The following ST14 variants were observed in gnomAD, a reference collection of about 807,000 sequenced individuals.
ST14 encodes the protein suppressor of tumorigenicity 14 protein.
Under a neutral mutation model 96.5 loss-of-function variants are expected in ST14, and 40 were observed. That is an observed-to-expected ratio of 0.41 (90% CI 0.32 to 0.54). ST14 has a LOEUF of 0.54. Among genes scored for constraint, ST14 ranks in the 20% least tolerant of loss-of-function variants. The pLI, the probability that ST14 is intolerant of heterozygous loss-of-function variation, is 0.17. For missense variants in ST14, 1,066 were observed against 1,188.9 expected, an observed-to-expected ratio of 0.90 and a Z score of 1.52; for synonymous variants, 506 against 492.1, an observed-to-expected ratio of 1.03 and a Z score of -0.37.
chr11:130,198,571 A>G lies in ST14; in HGVS notation c.1634A>G (p.Asn545Ser), dbSNP rs1010631334. 1.2e-6 allele frequency: 2 copies of G among 1,613,938 alleles called. No homozygotes were observed. The highest frequency in any genetic ancestry group is 1.7e-6 in the Non-Finnish European group (2 of 1,180,012). ...TGCCTCTCGAAAAGCCAGCAGTGCAATGGGAAGGACGACTGTGGGGACGGG... is the reference window on the plus strand; with the variant it reads ...TGCCTCTCGAAAAGCCAGCAGTGCAGTGGGAAGGACGACTGTGGGGACGGG... ...GKCLSKSQQC[N>S]GKDDCGDGSD... is the part of the protein sequence containing the mutation. Residue 545 changes from asparagine (N) to serine (S), a missense_variant, in exon 14 of 19, where the codon AAT becomes AGT. Coordinates refer to ENST00000278742, the MANE Select transcript of ST14 (RefSeq NM_021978.4).
At chr11:130,176,658 G>C (rs181081048) in intron 1 of ST14, among the ~76,000 whole-genome samples, 3 of 152,086 alleles carry the variant, frequency 2.0e-5, no homozygotes, top group Non-Finnish European at 4.4e-5. Flanking sequence ...AAAGTGCTGG[G>C]ATTACAGGCT....
At position 130,189,914 on chromosome 11, in the gene ST14, G is replaced by A. The variant is rs1388621154; in HGVS notation, c.598+18G>A. The A allele has an allele frequency of 6.2e-7, 1 of 1,613,498 alleles. No individual in the cohort carries two copies. Among genetic ancestry groups the A allele is most frequent in the South Asian group, 1.1e-5 (1 of 91,048 alleles). ...GGCTTTCCGTGAGTCCGAGGGCCAGGGGTGGGCGTGGGACTGGCCAGCCTT... is the reference window on the plus strand; with the variant it reads ...GGCTTTCCGTGAGTCCGAGGGCCAGAGGTGGGCGTGGGACTGGCCAGCCTT... On this transcript the variant is annotated intron_variant, in intron 5 of 18. Coordinates refer to ENST00000278742, the MANE Select transcript of ST14 (RefSeq NM_021978.4).
At chr11:130,167,745 T>C (rs1953054930) in intron 1 of ST14, among the ~76,000 whole-genome samples, 1 of 151,984 alleles carries the variant, frequency 6.6e-6, no homozygotes, top group African/African-American at 2.4e-5. Flanking sequence ...GATAGGGTCT[T>C]GCTCTGTCGC....
At chr11:130,193,582 G>C (rs558644312) in intron 7 of ST14, among the ~76,000 whole-genome samples, 1 of 151,740 alleles carries the variant, frequency 6.6e-6, no homozygotes, top group African/African-American at 2.4e-5. Context: ...TGATTCTCCT[G>C]CCTCAGCCTC....
In ST14 at chr11:130,188,042, A is replaced by T; in HGVS notation, c.82-72A>T. The T allele has an allele frequency of 1.3e-6, 2 of 1,584,538 alleles. No individual in the cohort carries two copies. The highest frequency in any genetic ancestry group is 1.1e-5 in the South Asian group (1 of 87,746). The stretch of plus-strand genomic sequence containing the variant: ...CCAAGCTGGACCTCACAAAATGTGA[A>T]CATCTTCCCCAGCGGGGTGCAGGGG... On this transcript the variant is annotated intron_variant, in intron 1 of 18. Coordinates refer to ENST00000278742, the MANE Select transcript of ST14 (RefSeq NM_021978.4). The surrounding 1 kb of genome is among the most constrained non-coding windows in gnomAD (Gnocchi z 5.4).
In ST14 at chr11:130,197,879, A is replaced by G. The variant is rs749909901; in HGVS notation, c.1393A>G (p.Ile465Val). The G allele has an allele frequency of 1.3e-5, 20 of 1,595,218 alleles. No individual in the cohort carries two copies. The East Asian group carries it at 3.4e-4, about 27-fold the overall frequency. The change falls in exon 12 of 19, where the codon ATC becomes GTC. Residue 465 changes from isoleucine (I) to valine (V), a missense_variant. Physicochemically the swap from Ile to Val is conservative, Grantham distance 29. Transcript: ENST00000278742. Reference sequence around the variant, plus strand: ...GTTCACGTGCCGCACGGGGCGGTGTATCCGGAAGGAGCTGCGCTGTGATGG... The same window carrying G: ...GTTCACGTGCCGCACGGGGCGGTGTGTCCGGAAGGAGCTGCGCTGTGATGG... ...GQFTCRTGRC[I>V]RKELRCDGWA...
chr11:130,171,424 G>A (rs984058204), intron 1 of ST14, among the ~76,000 whole-genome samples: 1 of 152,170 alleles, frequency 6.6e-6, no homozygotes, highest in Non-Finnish European at 1.5e-5. Context: ...CTTGGCTTCT[G>A]TGAACAGTGC....
At chr11:130,197,999 C>T (rs1565626886) in intron 12 of ST14, 54 bp downstream of exon 12, 25 of 1,493,774 alleles carry the variant, frequency 1.7e-5, no homozygotes, top group East Asian at 9.8e-5. Flanking sequence ...ACCCTGCCCG[C>T]GTCCCATGGC....
intron 16 of ST14, among the ~76,000 whole-genome samples, chr11:130,207,273 G>A (rs889797570): frequency 7.2e-5 from 11 of 152,214 alleles, no homozygotes; most frequent in African/African-American, 2.4e-4. Flanking sequence ...GTGAGCCAGC[G>A]GGCACGGTGG....
Position 130,188,713 on chromosome 11 carries a change from C to T in ST14, c.369+56C>T. ...GCTGTGTGCGCTGGTGTCCCACCTGCTGGGCAGGAGGGACATGCCTCGCCT... is the reference window on the plus strand; with the variant it reads ...GCTGTGTGCGCTGGTGTCCCACCTGTTGGGCAGGAGGGACATGCCTCGCCT... On this transcript the variant is annotated intron_variant, in intron 3 of 18. Coordinates refer to ENST00000278742, the MANE Select transcript of ST14 (RefSeq NM_021978.4). The surrounding 1 kb of genome is among the most constrained non-coding windows in gnomAD (Gnocchi z 5.4). 1 of 1,613,590 alleles carries T rather than the reference C, an allele frequency of 6.2e-7. No individual in the cohort carries two copies. Among genetic ancestry groups the T allele is most frequent in the South Asian group, 1.1e-5 (1 of 91,058 alleles).
rs1198426673 is a variant in ST14, at chr11:130,209,584, C to T, written c.2406+6C>T. On this transcript the variant is annotated splice_donor_region_variant and intron_variant, in intron 18 of 18. Transcript: ENST00000278742. ...GCGGCGTGGACTCCTGCCAGGTGGC[C>T]CCCGGGGCAGGAGGGCGGCAGGTGG... is the stretch of plus-strand genomic sequence containing the variant. 3.8e-6 allele frequency: 6 copies of T among 1,580,100 alleles called. No homozygotes were observed. The highest frequency in any genetic ancestry group is 5.2e-6 in the Non-Finnish European group (6 of 1,163,378).
At chr11:130,204,231 G>C (rs1039581037) in intron 16 of ST14, among the ~76,000 whole-genome samples, 6 of 152,268 alleles carry the variant, frequency 3.9e-5, no homozygotes, top group Admixed American at 6.5e-5. Flanking sequence ...GAGTTGATGG[G>C]GGTTGAGTAC....
intron 4 of ST14, chr11:130,189,262 A>C (rs987992356): frequency 2.0e-6 from 1 of 505,650 alleles, no homozygotes; most frequent in East Asian, 3.6e-5. Context: ...GCAGCCTTCA[A>C]TGAGCCCCCA....
chr11:130,169,796 C>T (rs1953073756), intron 1 of ST14, among the ~76,000 whole-genome samples: 1 of 152,048 alleles, frequency 6.6e-6, no homozygotes, highest in Non-Finnish European at 1.5e-5. Flanking sequence ...CACACTAGCT[C>T]GTGAAATCAG....
chr11:130,199,198 G>T, intron 15 of ST14, 129 bp downstream of exon 15: 1 of 1,042,274 alleles, frequency 9.6e-7, no homozygotes, highest in South Asian at 1.4e-5. Context: ...GAGAGGGTGT[G>T]TCTCCTGGAG....
chr11:130,196,523 C>G (rs57499196), intron 10 of ST14, 47 bp from the exon 11 acceptor site: 4 of 1,534,244 alleles, frequency 2.6e-6, no homozygotes, highest in African/African-American at 1.4e-5. Flanking sequence ...CCCAGCCCCC[C>G]GGCTCCCAGC....
rs1489868226 is a variant in ST14 at position 130,189,784 on chromosome 11, G to C, written c.486G>C (p.Pro162=). ...ACTACTGGTCTGAGTTCAGCATCCCGCAGCACCTGGTGGAGGAGGCCGAGC... is the reference window on the plus strand; with the variant it reads ...ACTACTGGTCTGAGTTCAGCATCCCCCAGCACCTGGTGGAGGAGGCCGAGC... ...IAYYWSEFSI[P]QHLVEEAERV... is the part of the protein sequence containing the mutation. Residue 162 remains proline, a synonymous_variant, in exon 5 of 19, where the codon CCG becomes CCC. Coordinates refer to ENST00000278742, the MANE Select transcript of ST14 (RefSeq NM_021978.4). 6.2e-7 allele frequency: 1 copy of C among 1,613,474 alleles called. No homozygotes were observed. The highest frequency in any genetic ancestry group is 2.2e-5 in the East Asian group (1 of 44,888).
chr11:130,198,110 T>C (rs1435464299), intron 12 of ST14, among the ~76,000 whole-genome samples, 165 bp downstream of exon 12: 1 of 152,342 alleles, frequency 6.6e-6, no homozygotes, highest in Non-Finnish European at 1.5e-5. Flanking sequence ...CCCTGCCATA[T>C]GGAGATCTTG....
chr11:130,210,060 G>A lies in ST14; in HGVS notation c.*237G>A, dbSNP rs183025293. On this transcript the variant is annotated 3_prime_UTR_variant, in exon 19 of 19. Coordinates refer to ENST00000278742, the MANE Select transcript of ST14 (RefSeq NM_021978.4). ...TGGTGGTTCTACTGACCCAACTGGG[G>A]GCAAAGGTTTGAAGACACAGCCTCC... 2.6e-4 allele frequency: 147 copies of A among 572,160 alleles called. No homozygotes were observed. Among genetic ancestry groups the A allele is most frequent in the Non-Finnish European group, 1.2e-4 (41 of 328,282 alleles). 35.4% of individuals were successfully genotyped at this position (572,160 alleles called of 1,614,324 possible). A position where few individuals can be genotyped will look rare whatever the true frequency, so the allele number is the denominator to read the frequency against.
Sources: allele counts gnomAD v4.1 joint callset (sites outside exome capture counted in the v4.1 genomes callset), GRCh38; gene constraint gnomAD v4.1.1; non-coding constraint Gnocchi (gnomAD v3.1); transcripts MANE v1.5; gene names NCBI Gene and HGNC (gene_info 2026-07-23, HGNC 2026-07-21).